Variants in PTPRD observed in about 807,000 individuals in gnomAD.
The protein encoded by PTPRD is protein tyrosine phosphatase receptor type D, also known as receptor-type tyrosine-protein phosphatase delta.
A neutral mutation model predicts 214.5 loss-of-function variants in PTPRD; 34 were observed. The ratio of observed to expected loss-of-function variants is 0.16; its 90% CI spans 0.12 to 0.21. The LOEUF is 0.21. Ranked by LOEUF, PTPRD falls within the 10% of genes least tolerant of loss-of-function variation. The pLI is 1.00. For synonymous variants in PTPRD, 1,128 were observed against 845.7 expected (o/e 1.33, Z -5.79); for missense variants, 2,545 against 2,398.7 (o/e 1.06, Z -1.27).
intron 2 of PTPRD, among the ~76,000 whole-genome samples, chr9:10,358,261 A>T (rs987856002): frequency 6.6e-6 from 1 of 152,106 alleles, no homozygotes; most frequent in African/African-American, 2.4e-5. Flanking sequence ...ACTTTTGTCC[A>T]GAAATTCTTC....
In PTPRD at chr9:8,919,923, T is replaced by C. The variant is rs77364923; in HGVS notation, c.-104+98774A>G. Among the ~76,000 whole-genome samples the C allele has an allele frequency of 4.0e-3, 499 of 126,004 alleles. 5 individuals carry two copies. Among genetic ancestry groups the C allele is most frequent in the African/African-American group, 0.012 (479 of 39,670 alleles). 82.7% of individuals were successfully genotyped at this position (126,004 alleles called of 152,430 possible). On this transcript the variant is annotated intron_variant, in intron 11 of 45. Coordinates refer to ENST00000381196, the MANE Select transcript of PTPRD (RefSeq NM_002839.4). ...ATGCATGTATGCATAAGTGGATGCA[T>C]GTGCATGCATGTATGCATGTACACA...
intron 14 of PTPRD, among the ~76,000 whole-genome samples, chr9:8,547,454 G>A (rs967277484): frequency 3.0e-4 from 45 of 151,884 alleles, no homozygotes; most frequent in African/African-American, 1.1e-3. Context: ...ACCAGCCTGG[G>A]TAACATGGTG....
chr9:9,250,156 T>A (rs1218324905), intron 9 of PTPRD, among the ~76,000 whole-genome samples: 4 of 152,010 alleles, frequency 2.6e-5, no homozygotes, highest in African/African-American at 7.2e-5. Context: ...ATGGCCACAA[T>A]GTTGAGTTGA....
At chr9:8,754,345 G>T (rs920391493) in intron 11 of PTPRD, among the ~76,000 whole-genome samples, 1 of 152,160 alleles carries the variant, frequency 6.6e-6, no homozygotes, top group East Asian at 1.9e-4. Context: ...TATACTACCA[G>T]TTACCAAGAC....
At chr9:10,310,994 T>G (rs1454451570) in intron 3 of PTPRD, among the ~76,000 whole-genome samples, 1 of 152,084 alleles carries the variant, frequency 6.6e-6, no homozygotes, top group Non-Finnish European at 1.5e-5. Context: ...GGGAACCAAT[T>G]TGATTGCAAA....
intron 14 of PTPRD, among the ~76,000 whole-genome samples, chr9:8,552,270 T>G (rs948532672): frequency 6.6e-6 from 1 of 152,204 alleles, no homozygotes; most frequent in South Asian, 2.1e-4. Flanking sequence ...TACAGGGTTC[T>G]TTCTCTCTGG....
intron 9 of PTPRD, among the ~76,000 whole-genome samples, chr9:9,241,631 T>A (rs962567884): frequency 6.6e-6 from 1 of 152,016 alleles, no homozygotes; most frequent in Non-Finnish European, 1.5e-5. Flanking sequence ...TCTTTGTTGG[T>A]TTAAAGCCTG....
At chr9:9,455,068 C>A (rs2145529099) in intron 8 of PTPRD, among the ~76,000 whole-genome samples, 1 of 151,600 alleles carries the variant, frequency 6.6e-6, no homozygotes, top group South Asian at 2.1e-4. Flanking sequence ...TTTTAATGGA[C>A]AATGTTGAAA....
chr9:9,386,448 C>G (rs186776177), intron 9 of PTPRD, among the ~76,000 whole-genome samples: 1 of 151,602 alleles, frequency 6.6e-6, no homozygotes, highest in East Asian at 2.0e-4. Flanking sequence ...CCCGGTAAAA[C>G]GAATGGTGGT....
rs531008922 is a variant in PTPRD at position 10,361,691 on chromosome 9, A to C, written c.-599-20674T>G. Among the ~76,000 whole-genome samples the C allele has an allele frequency of 1.4e-4, 22 of 152,274 alleles. No homozygotes were observed. The East Asian group carries it at 4.1e-3, about 28-fold the overall frequency. ...TATTAGGAACACTTACTATTATATG[A>C]TCGTTCATTAACTTTTACCATTCCT... is the stretch of plus-strand genomic sequence containing the variant. On this transcript the variant is annotated intron_variant, in intron 2 of 45. Transcript: ENST00000381196.
At chr9:9,566,412 A>T (rs1251164478) in intron 8 of PTPRD, among the ~76,000 whole-genome samples, 1 of 152,020 alleles carries the variant, frequency 6.6e-6, no homozygotes, top group African/African-American at 2.4e-5. Context: ...TGTGGTCAAA[A>T]ATTTAAACTC....
chr9:10,526,918 G>A (rs552624782), intron 2 of PTPRD, among the ~76,000 whole-genome samples: 1 of 152,218 alleles, frequency 6.6e-6, no homozygotes, highest in African/African-American at 2.4e-5. Context: ...ATCCTCATCT[G>A]CAGATGGCAA....
In PTPRD at chr9:9,896,658, A is replaced by G. The variant is rs1051636838; in HGVS notation, c.-368+41849T>C. Among the ~76,000 whole-genome samples, 3 of 152,082 alleles carry G rather than the reference A, an allele frequency of 2.0e-5. No individual in the cohort carries two copies. The Admixed American group carries it at 2.0e-4, about 10-fold the overall frequency. On this transcript the variant is annotated intron_variant, in intron 5 of 45. Coordinates refer to ENST00000381196, the MANE Select transcript of PTPRD (RefSeq NM_002839.4). The stretch of plus-strand genomic sequence containing the variant: ...CGAGGAATTCATATTTAAGAGGATC[A>G]GTCTAAGAAGCTAACTGACTCATGG...
chr9:9,768,528 T>C lies in PTPRD; in HGVS notation c.-367-1677A>G, dbSNP rs746442789. Among the ~76,000 whole-genome samples, 51 of 152,178 alleles carry C rather than the reference T, an allele frequency of 3.4e-4. 1 individual carries two copies. The highest frequency in any genetic ancestry group is 6.3e-4 in the Non-Finnish European group (43 of 68,030). On this transcript the variant is annotated intron_variant, in intron 5 of 45. Transcript: ENST00000381196. ...GAAACACAAGTATGGATGATAAACTTTATTCATGAATTTTACATCAGAGAA... is the reference window on the plus strand; with the variant it reads ...GAAACACAAGTATGGATGATAAACTCTATTCATGAATTTTACATCAGAGAA...
intron 3 of PTPRD, among the ~76,000 whole-genome samples, chr9:10,161,528 C>G (rs1443777904): frequency 6.6e-6 from 1 of 151,688 alleles, no homozygotes; most frequent in Non-Finnish European, 1.5e-5. Context: ...CTATCTCTCA[C>G]CATATATAAC....
At chr9:8,607,757 C>G (rs537094906) in intron 14 of PTPRD, among the ~76,000 whole-genome samples, 217 of 152,262 alleles carry the variant, frequency 1.4e-3, no homozygotes, top group African/African-American at 5.0e-3. Flanking sequence ...CCATGCCAAA[C>G]CTCGTGGAGA....
At position 8,319,887 on chromosome 9, in the gene PTPRD, T is replaced by C; in HGVS notation, c.5614A>G (p.Ile1872Val). 1 of 1,613,180 alleles carries C rather than the reference T, an allele frequency of 6.2e-7. No individual in the cohort carries two copies. The highest frequency in any genetic ancestry group is 1.1e-5 in the South Asian group (1 of 91,070). The change falls in exon 45 of 46, where the codon ATC becomes GTC. Residue 1872 changes from isoleucine to valine, a missense_variant. Coordinates refer to ENST00000381196, the MANE Select transcript of PTPRD (RefSeq NM_002839.4). ...CTTAACATTTTGACAGTCTGGAAGA[T>C]ATCTACAACTCCTTCATATCTCATT... ...ERMRYEGVVDIFQTVKMLRTQ... is the reference protein window; with the variant it reads ...ERMRYEGVVDVFQTVKMLRTQ...
chr9:9,466,222 T>C (rs1423858723), intron 8 of PTPRD, among the ~76,000 whole-genome samples: 2 of 152,098 alleles, frequency 1.3e-5, no homozygotes, highest in South Asian at 2.1e-4. Context: ...GGTGGGAGGA[T>C]TGCTTGGGCC....
chr9:9,856,036 C>G (rs766361118), intron 5 of PTPRD, among the ~76,000 whole-genome samples: 8 of 152,148 alleles, frequency 5.3e-5, no homozygotes, highest in Non-Finnish European at 8.8e-5. Context: ...ATGGTAAATG[C>G]AGGGGATTTT....
Sources: allele counts gnomAD v4.1 joint callset (sites outside exome capture counted in the v4.1 genomes callset), GRCh38; gene constraint gnomAD v4.1.1; transcripts MANE v1.5; gene names NCBI Gene and HGNC (gene_info 2026-07-23, HGNC 2026-07-21).